The following SLC35F3 variants were observed in gnomAD, a reference collection of about 807,000 sequenced individuals.
SLC35F3 encodes the protein solute carrier family 35 member F3.
Under a neutral mutation model 49.9 loss-of-function variants are expected in SLC35F3, and 25 were observed. The ratio of observed to expected loss-of-function variants is 0.50; its 90% CI spans 0.37 to 0.70. The LOEUF (loss-of-function observed/expected upper bound fraction) is 0.70. Among genes scored for constraint, SLC35F3 ranks in the 30% least tolerant of loss-of-function variants. The pLI, the probability that SLC35F3 is intolerant of heterozygous loss-of-function variation, is 0.00. For missense variants in SLC35F3, 525 were observed against 639.8 expected, an observed-to-expected ratio of 0.82 and a Z score of 1.94; for synonymous variants, 275 against 265.4, an observed-to-expected ratio of 1.04 and a Z score of -0.35.
intron 2 of SLC35F3, among the ~76,000 whole-genome samples, chr1:234,023,805 G>T (rs566523164): frequency 1.3e-3 from 194 of 149,706 alleles, no homozygotes; most frequent in African/African-American, 4.4e-3. Context: ...GCCCAATAAC[G>T]CCAATCTAGT....
At chr1:234,260,789 A>G (rs1245346763) in intron 3 of SLC35F3, among the ~76,000 whole-genome samples, 16 of 152,248 alleles carry the variant, frequency 1.1e-4, no homozygotes, top group African/African-American at 3.1e-4. Context: ...CTCCGCATAC[A>G]TAAGTGCCTC....
chr1:233,926,505 A>G (rs139265896), intron 2 of SLC35F3, among the ~76,000 whole-genome samples: 17,197 of 152,010 alleles, frequency 0.11, 1,058 homozygotes, highest in Non-Finnish European at 0.14. Flanking sequence ...GGTCTTCTCT[A>G]TGCTGTTTAT....
chr1:234,267,642 C>T (rs1193062838), intron 3 of SLC35F3, among the ~76,000 whole-genome samples: 7 of 151,426 alleles, frequency 4.6e-5, no homozygotes, highest in African/African-American at 1.7e-4. Flanking sequence ...GGCTGACCCC[C>T]CCACCTCCCT....
chr1:233,933,969 T>G (rs1662286936), intron 2 of SLC35F3, among the ~76,000 whole-genome samples: 1 of 152,220 alleles, frequency 6.6e-6, no homozygotes, highest in South Asian at 2.1e-4. Context: ...TCTAATGTTT[T>G]GAGGCTATTC....
chr1:234,295,774 G>A (rs1668583615), intron 3 of SLC35F3, among the ~76,000 whole-genome samples: 1 of 152,204 alleles, frequency 6.6e-6, no homozygotes, highest in Non-Finnish European at 1.5e-5. Flanking sequence ...AAGAAAGCCA[G>A]GCCAGCCAGC....
chr1:234,246,263 C>T (rs1667629319), intron 3 of SLC35F3, among the ~76,000 whole-genome samples: 1 of 152,124 alleles, frequency 6.6e-6, no homozygotes, highest in Non-Finnish European at 1.5e-5. Flanking sequence ...TTTCTCTAAC[C>T]TGACCCCAGA....
At chr1:233,943,303 G>T (rs1175095606) in intron 2 of SLC35F3, among the ~76,000 whole-genome samples, 5 of 152,208 alleles carry the variant, frequency 3.3e-5, no homozygotes, top group African/African-American at 1.2e-4. Context: ...GTAATTTTCT[G>T]CAGGGAAAGT....
intron 2 of SLC35F3, among the ~76,000 whole-genome samples, chr1:233,920,402 A>C (rs1248938850): frequency 1.3e-5 from 2 of 152,238 alleles, no homozygotes; most frequent in Admixed American, 6.5e-5. Context: ...CTGTGTGATC[A>C]TGCCAACCGT....
intron 2 of SLC35F3, among the ~76,000 whole-genome samples, chr1:234,156,522 G>T (rs1470140090): frequency 6.6e-6 from 1 of 152,116 alleles, no homozygotes; most frequent in Non-Finnish European, 1.5e-5. Context: ...ACGGAAAACG[G>T]TAAAGACACT....
At chr1:234,169,174 C>T (rs894621868) in intron 2 of SLC35F3, among the ~76,000 whole-genome samples, 2 of 152,202 alleles carry the variant, frequency 1.3e-5, no homozygotes, top group Admixed American at 1.3e-4. Context: ...TTCTTCTATT[C>T]CAGCCTTCGG....
Position 234,323,419 on chromosome 1 carries a change from G to A in SLC35F3, c.*176G>A. The A allele has an allele frequency of 3.3e-6, 2 of 606,026 alleles. No homozygotes were observed. The highest frequency in any genetic ancestry group is 5.9e-6 in the Non-Finnish European group (2 of 341,796). 37.5% of individuals were successfully genotyped at this position (606,026 alleles called of 1,614,324 possible). The stretch of plus-strand genomic sequence containing the variant: ...TTTCCACATCAGACCTTCCACTTAA[G>A]GGTACCAATTCAATACAAAAGAGAA... On this transcript the variant is annotated 3_prime_UTR_variant, in exon 8 of 8. Transcript: ENST00000366618. The surrounding 1 kb of genome is among the most constrained non-coding windows in gnomAD (Gnocchi z 4.5).
chr1:234,314,607 A>G (rs1033673477), intron 4 of SLC35F3, among the ~76,000 whole-genome samples: 1 of 152,174 alleles, frequency 6.6e-6, no homozygotes, highest in Non-Finnish European at 1.5e-5. Flanking sequence ...CTAAAAATAT[A>G]AAATTTAGCC....
intron 2 of SLC35F3, among the ~76,000 whole-genome samples, chr1:234,161,070 G>A (rs930971005): frequency 7.2e-5 from 11 of 152,176 alleles, no homozygotes; most frequent in Non-Finnish European, 1.6e-4. Flanking sequence ...CAGCTGCTTT[G>A]TAGTGTCACC....
intron 2 of SLC35F3, among the ~76,000 whole-genome samples, chr1:234,177,120 G>A (rs141535303): frequency 2.0e-5 from 3 of 152,272 alleles, no homozygotes; most frequent in Non-Finnish European, 4.4e-5. Flanking sequence ...GAGTGAATGA[G>A]TCTCATGAGA....
chr1:233,918,802 C>CTCTCTCTCTCTCTCTT (rs1168852598), intron 2 of SLC35F3, among the ~76,000 whole-genome samples: 17 of 42,406 alleles, frequency 4.0e-4, no homozygotes, highest in Non-Finnish European at 1.4e-3. Flanking sequence ...CTCTCTTTCT[C>CTCTCTCTCTCTCTCTT]TCTCTCTCTC....
At chr1:234,210,381 T>C (rs1667031609) in intron 2 of SLC35F3, among the ~76,000 whole-genome samples, 1 of 152,104 alleles carries the variant, frequency 6.6e-6, no homozygotes, top group African/African-American at 2.4e-5. Context: ...AACTGAGCAA[T>C]AGGCAGAGAT....
intron 2 of SLC35F3, among the ~76,000 whole-genome samples, chr1:234,114,068 T>C (rs952477151): frequency 2.0e-5 from 3 of 152,216 alleles, no homozygotes; most frequent in African/African-American, 7.2e-5. Context: ...GTGCTCCCAC[T>C]ATGGCTGGTT....
chr1:234,045,723 T>A (rs565886618), intron 2 of SLC35F3, among the ~76,000 whole-genome samples: 14 of 151,602 alleles, frequency 9.2e-5, no homozygotes, highest in African/African-American at 2.7e-4. Flanking sequence ...TTTTTTTTTT[T>A]AAAGAAATAG....
At chr1:234,314,539 T>A (rs1657438559) in intron 4 of SLC35F3, among the ~76,000 whole-genome samples, 1 of 152,096 alleles carries the variant, frequency 6.6e-6, no homozygotes, top group Non-Finnish European at 1.5e-5. Flanking sequence ...GGTGTGTGGA[T>A]CACCTGAGGT....
Sources: gnomAD v4.1 joint callset for allele counts (sites outside exome capture counted in the v4.1 genomes callset) on GRCh38, gnomAD v4.1.1 for gene constraint, Gnocchi (gnomAD v3.1) non-coding constraint, MANE v1.5 for transcripts, NCBI Gene and HGNC (gene_info 2026-07-23, HGNC 2026-07-21) for gene names.